Variants in ATPAF2 observed in about 807,000 individuals in gnomAD.
ATPAF2 encodes the protein ATP12 homolog.
Under a neutral mutation model 36.6 loss-of-function variants are expected in ATPAF2, and 30 were observed. The observed-to-expected ratio is 0.82, with a 90% confidence interval of 0.61 to 1.11. The LOEUF (loss-of-function observed/expected upper bound fraction) is 1.11. ATPAF2 is among the 50% of genes most tolerant of loss of function. The pLI is 0.00. For missense variants in ATPAF2, 321 were observed against 372.3 expected (o/e 0.86, Z 1.13); for synonymous variants, 140 against 152.6 (o/e 0.92, Z 0.61).
intron 1 of ATPAF2, among the ~76,000 whole-genome samples, chr17:18,032,802 G>A (rs2145516496): frequency 6.6e-6 from 1 of 151,990 alleles, no homozygotes; most frequent in Admixed American, 6.6e-5. Context: ...ACTTGAAGGT[G>A]AGGCAGGAGG....
rs1128069 is a variant in ATPAF2, at chr17:18,018,529, G to C, written c.*20C>G. The C allele has an allele frequency of 9.1e-4, 1,469 of 1,612,838 alleles. 13 individuals carry two copies. In the African/African-American group the frequency reaches 0.017, roughly 19 times the overall value. On this transcript the variant is annotated 3_prime_UTR_variant, in exon 8 of 8. Transcript: ENST00000474627. ...GTGGCTGCACTGCCTCTATCCTGCTGAGTGTGCTCTGCCCAGGCCTCACTC... is the reference window on the plus strand; with the variant it reads ...GTGGCTGCACTGCCTCTATCCTGCTCAGTGTGCTCTGCCCAGGCCTCACTC...
intron 4 of ATPAF2, chr17:18,026,025 C>G (rs555577064): frequency 3.9e-6 from 2 of 513,204 alleles, no homozygotes; most frequent in South Asian, 2.1e-5. Context: ...ACAGGCCCCC[C>G]TAGGCCTAAG....
intron 1 of ATPAF2, among the ~76,000 whole-genome samples, chr17:18,032,427 C>T (rs553420526): frequency 6.6e-6 from 1 of 152,080 alleles, no homozygotes; most frequent in Non-Finnish European, 1.5e-5. Context: ...GAAGAAGCCA[C>T]CAAAAATTTC....
intron 4 of ATPAF2, chr17:18,025,234 CTCA>C (rs2044526955): frequency 4.7e-6 from 1 of 211,004 alleles, no homozygotes; most frequent in South Asian, 7.6e-5. Flanking sequence ...CTGTTTATAC[CTCA>C]TAAGTCCACC....
downstream of ATPAF2, among the ~76,000 whole-genome samples, chr17:18,017,116 G>C (rs1001601936): frequency 1.8e-4 from 25 of 135,660 alleles, no homozygotes; most frequent in African/African-American, 6.4e-4. Flanking sequence ...AGGTTGCAGT[G>C]AGCCAAGATC....
At chr17:18,038,236 T>TTC (rs1326139084) in intron 1 of ATPAF2, among the ~76,000 whole-genome samples, 1 of 152,200 alleles carries the variant, frequency 6.6e-6, no homozygotes, top group Non-Finnish European at 1.5e-5. Context: ...AAATGAGTCA[T>TTC]TCTCACTCTT....
chr17:18,028,409 TTTG>T (rs1261844890), intron 2 of ATPAF2, 32 bp from the exon 3 acceptor site: 2 of 1,611,654 alleles, frequency 1.2e-6, no homozygotes, highest in Non-Finnish European at 1.7e-6. Context: ...CTCTCAGGGA[TTTG>T]TTAAGTGGAA....
At chr17:18,028,696 A>C in intron 1 of ATPAF2, 37 bp from the exon 2 acceptor site, 1 of 1,596,896 alleles carries the variant, frequency 6.3e-7, no homozygotes, top group Non-Finnish European at 8.6e-7. Context: ...AGTTTAAAAT[A>C]ACGTTGAGAC....
chr17:18,026,049 C>T (rs933900859), intron 4 of ATPAF2: 24 of 547,644 alleles, frequency 4.4e-5, no homozygotes, highest in East Asian at 2.9e-4. Flanking sequence ...CCTGTGGTCA[C>T]GGCACCTGCA....
chr17:18,030,513 GA>G (rs747636000), intron 1 of ATPAF2, among the ~76,000 whole-genome samples: 4,261 of 77,578 alleles, frequency 0.055, 108 homozygotes, highest in African/African-American at 0.13. Flanking sequence ...GTCTCTTGGG[GA>G]AAAAAAAAAA....
intron 1 of ATPAF2, among the ~76,000 whole-genome samples, chr17:18,038,324 C>G (rs549152097): frequency 6.6e-6 from 1 of 152,286 alleles, no homozygotes; most frequent in South Asian, 2.1e-4. Flanking sequence ...GGAGGTGACT[C>G]CACAGTCAGA....
intron 1 of ATPAF2, among the ~76,000 whole-genome samples, chr17:18,030,972 CTTT>C (rs1316913316): frequency 6.8e-5 from 6 of 88,442 alleles, no homozygotes; most frequent in East Asian, 3.5e-4. Context: ...CGCGCCTGGC[CTTT>C]TTTTTTTTTT....
In ATPAF2 at chr17:18,018,548, C is replaced by T. The variant is rs1476351990; in HGVS notation, c.*1G>A. ...CCTGCTGAGTGTGCTCTGCCCAGGC[C>T]TCACTCCTTCAGGAGCTTGTGCTTG... On this transcript the variant is annotated 3_prime_UTR_variant, in exon 8 of 8. Transcript: ENST00000474627. 1 of 1,613,524 alleles carries T rather than the reference C, an allele frequency of 6.2e-7. No homozygotes were observed. The highest frequency in any genetic ancestry group is 1.1e-5 in the South Asian group (1 of 91,084).
chr17:18,037,824 C>T (rs925398018), intron 1 of ATPAF2, among the ~76,000 whole-genome samples: 3 of 152,184 alleles, frequency 2.0e-5, no homozygotes, highest in Non-Finnish European at 4.4e-5. Context: ...GGAAAAGTCC[C>T]TCATACCTTG....
chr17:18,034,214 G>A (rs2044673963), intron 1 of ATPAF2, among the ~76,000 whole-genome samples: 1 of 151,794 alleles, frequency 6.6e-6, no homozygotes, highest in African/African-American at 2.4e-5. Flanking sequence ...ACCAGCCTGG[G>A]CAACATAGCA....
downstream of ATPAF2, among the ~76,000 whole-genome samples, chr17:18,017,592 G>A (rs115947112): frequency 4.6e-3 from 707 of 152,258 alleles, 2 homozygotes; most frequent in African/African-American, 0.016. Context: ...CAGCCCTGGT[G>A]TCATCTGTGA....
At position 18,018,531 on chromosome 17, in the gene ATPAF2, G is replaced by C. The variant is rs2044417651; in HGVS notation, c.*18C>G. Reference sequence around the variant, plus strand: ...GGCTGCACTGCCTCTATCCTGCTGAGTGTGCTCTGCCCAGGCCTCACTCCT... The same window carrying C: ...GGCTGCACTGCCTCTATCCTGCTGACTGTGCTCTGCCCAGGCCTCACTCCT... On this transcript the variant is annotated 3_prime_UTR_variant, in exon 8 of 8. Coordinates refer to ENST00000474627, the MANE Select transcript of ATPAF2 (RefSeq NM_145691.4). The C allele has an allele frequency of 6.2e-7, 1 of 1,612,866 alleles. No homozygotes were observed. Among genetic ancestry groups the C allele is most frequent in the African/African-American group, 1.3e-5 (1 of 74,944 alleles).
chr17:18,021,566 T>C (rs2044468977), intron 6 of ATPAF2, 179 bp downstream of exon 6: 1 of 673,242 alleles, frequency 1.5e-6, no homozygotes, highest in Non-Finnish European at 2.7e-6. Context: ...GGTGGAAAGG[T>C]GTGAGCCTAG....
Position 18,028,247 on chromosome 17 carries a change from G to A in ATPAF2, c.309C>T (p.Tyr103=), listed in dbSNP as rs2044576635. The A allele has an allele frequency of 6.2e-7, 1 of 1,614,076 alleles. No homozygotes were observed. Among genetic ancestry groups the A allele is most frequent in the Admixed American group, 1.7e-5 (1 of 60,004 alleles). ...AACTTGTTACCAGGTGCATGGTGTA[G>A]TACTTGATGGTATCCTGCTGGGAAT... ...EWDSQQDTIK[Y]YTMHLTTLCN... is the part of the protein sequence containing the mutation. The change falls in exon 3 of 8, where the codon TAC becomes TAT. Residue 103 remains tyrosine (Y), a synonymous_variant. Transcript: ENST00000474627.
Sources: gnomAD v4.1 joint callset for allele counts (sites outside exome capture counted in the v4.1 genomes callset) on GRCh38, gnomAD v4.1.1 for gene constraint, MANE v1.5 for transcripts, NCBI Gene and HGNC (gene_info 2026-07-23, HGNC 2026-07-21) for gene names.